TSPAN18: variants seen among roughly 807,000 people sequenced by gnomAD.
TSPAN18 encodes the protein tetraspanin 18.
In TSPAN18, 14 loss-of-function variants were observed where a neutral mutation model predicts 27.3. The observed-to-expected ratio is 0.51, with a 90% CI of 0.34 to 0.80. TSPAN18 has a LOEUF of 0.80. TSPAN18 is among the 30% of genes least tolerant of loss of function. The pLI is 0.01. For synonymous variants in TSPAN18, 143 were observed against 136.5 expected (o/e 1.05, Z -0.33); for missense variants, 268 against 323.9 (o/e 0.83, Z 1.32).
rs577384711 is a variant in TSPAN18 at position 44,926,725 on chromosome 11, G to A, written c.667G>A (p.Gly223Arg). Reference sequence around the variant, plus strand: ...CTTCGAGACCTACGTCTACTTGGCCGGAGCCCTTGCCATCGGGGTACTGGC... The same window carrying A: ...CTTCGAGACCTACGTCTACTTGGCCAGAGCCCTTGCCATCGGGGTACTGGC... ...NTFETYVYLA[G>R]ALAIGVLAIE... Residue 223 changes from glycine to arginine, a missense_variant, in exon 9 of 10, where the codon GGA becomes AGA. Physicochemically the swap from Gly to Arg is moderately radical, Grantham distance 125 (BLOSUM62 -2). Transcript: ENST00000520358. 3.4e-5 allele frequency: 55 copies of A among 1,614,126 alleles called. No homozygotes were observed. The highest frequency in any genetic ancestry group is 1.8e-4 in the Admixed American group (11 of 60,016).
intron 3 of TSPAN18, among the ~76,000 whole-genome samples, chr11:44,890,933 A>C (rs1858828012): frequency 1.3e-5 from 2 of 152,156 alleles, no homozygotes; most frequent in Non-Finnish European, 2.9e-5. Flanking sequence ...GCACTTTGGG[A>C]GACCAAGGCA....
In TSPAN18 at chr11:44,873,094, G is replaced by A. The variant is rs1257356083; in HGVS notation, c.-11+12625G>A. Reference sequence around the variant, plus strand: ...GAAGATGGTCGAAATGCTTGGATAAGGGGCTGGAGGTGACAGTATGTGGTT... The same window carrying A: ...GAAGATGGTCGAAATGCTTGGATAAAGGGCTGGAGGTGACAGTATGTGGTT... On this transcript the variant is annotated intron_variant, in intron 3 of 9. Coordinates refer to ENST00000520358, the MANE Select transcript of TSPAN18 (RefSeq NM_130783.5). Among the ~76,000 whole-genome samples, 3 of 152,216 alleles carry A rather than the reference G, an allele frequency of 2.0e-5. No homozygotes were observed. The East Asian group carries it at 5.8e-4, about 29-fold the overall frequency.
At chr11:44,807,875 G>A (rs1248277654) in intron 2 of TSPAN18, among the ~76,000 whole-genome samples, 1 of 152,212 alleles carries the variant, frequency 6.6e-6, no homozygotes, top group African/African-American at 2.4e-5. Context: ...GCTGCATGTA[G>A]CCTCCAGTGG....
intron 3 of TSPAN18, chr11:44,903,770 A>G (rs1859353039): frequency 2.2e-6 from 1 of 455,036 alleles, no homozygotes; most frequent in Non-Finnish European, 4.4e-6. Context: ...CCACCCCATC[A>G]CACACACACC....
chr11:44,764,626 T>C (rs1278949201), intron 2 of TSPAN18, 114 bp downstream of exon 2: 1 of 152,308 alleles, frequency 6.6e-6, no homozygotes, highest in African/African-American at 2.4e-5. Flanking sequence ...GTGAGAGGGC[T>C]CTCAGCTCTT....
At chr11:44,859,961 A>G (rs1289039802) in intron 2 of TSPAN18, among the ~76,000 whole-genome samples, 1 of 152,216 alleles carries the variant, frequency 6.6e-6, no homozygotes, top group Non-Finnish European at 1.5e-5. Flanking sequence ...GCTTGGACTC[A>G]TGGACTTGCC....
chr11:44,877,030 C>T (rs775698980), intron 3 of TSPAN18, among the ~76,000 whole-genome samples: 16 of 152,220 alleles, frequency 1.1e-4, no homozygotes, highest in Non-Finnish European at 2.1e-4. Context: ...GGGACTTCTC[C>T]GCCTCTGAGG....
intron 2 of TSPAN18, among the ~76,000 whole-genome samples, chr11:44,808,081 C>T (rs987109388): frequency 2.0e-5 from 3 of 152,140 alleles, no homozygotes; most frequent in African/African-American, 4.8e-5. Flanking sequence ...TTTAGTAATT[C>T]GGGAAGCTTT....
chr11:44,741,879 CCCTCT>C (rs1429565713), intron 1 of TSPAN18, among the ~76,000 whole-genome samples: 3 of 152,212 alleles, frequency 2.0e-5, no homozygotes, highest in African/African-American at 7.2e-5. Context: ...CCCTCCCCTC[CCCTCT>C]GCACCCTTCT....
chr11:44,814,630 C>T lies in TSPAN18; in HGVS notation c.-152-45698C>T, dbSNP rs183272038. The stretch of plus-strand genomic sequence containing the variant: ...AGAGAGAAACACCATCTAGGAGGGT[C>T]CCAGAGGGAGTTGGTGGTAGAATCC... On this transcript the variant is annotated intron_variant, in intron 2 of 9. Coordinates refer to ENST00000520358, the MANE Select transcript of TSPAN18 (RefSeq NM_130783.5). 1.5e-4 allele frequency among the ~76,000 whole-genome samples: 23 copies of T among 151,748 alleles called. 1 individual carries two copies. In the Middle Eastern group the frequency reaches 0.01, roughly 67 times the overall value.
intron 5 of TSPAN18, among the ~76,000 whole-genome samples, chr11:44,916,843 T>TA (rs1283785183): frequency 2.0e-5 from 3 of 152,288 alleles, no homozygotes; most frequent in Admixed American, 6.5e-5. Flanking sequence ...GTGCCAGAGA[T>TA]AAAGTCCTCT....
At chr11:44,902,886 G>A (rs1477696973) in intron 3 of TSPAN18, among the ~76,000 whole-genome samples, 1 of 152,178 alleles carries the variant, frequency 6.6e-6, no homozygotes, top group African/African-American at 2.4e-5. Flanking sequence ...TTGAATCCTT[G>A]TTGCTCCACT....
intron 2 of TSPAN18, among the ~76,000 whole-genome samples, chr11:44,803,646 G>T (rs11038153): frequency 1.3e-5 from 2 of 151,998 alleles, no homozygotes; most frequent in Non-Finnish European, 2.9e-5. Context: ...TGGAGCAGGG[G>T]ACACTGGGGT....
intron 2 of TSPAN18, among the ~76,000 whole-genome samples, chr11:44,859,125 T>A (rs1857811640): frequency 6.6e-6 from 1 of 152,106 alleles, no homozygotes; most frequent in Admixed American, 6.5e-5. Context: ...GTTCCCAGCC[T>A]AGAAAGAGGG....
At chr11:44,863,344 G>A (rs1329859956) in intron 3 of TSPAN18, among the ~76,000 whole-genome samples, 1 of 152,232 alleles carries the variant, frequency 6.6e-6, no homozygotes, top group Non-Finnish European at 1.5e-5. Flanking sequence ...TTTCCCGCAG[G>A]CCTCCAGGCT....
At chr11:44,751,926 CAA>C (rs374635775) in intron 1 of TSPAN18, among the ~76,000 whole-genome samples, 9 of 117,604 alleles carry the variant, frequency 7.7e-5, no homozygotes, top group Admixed American at 8.8e-5. Context: ...GACTCCATCT[CAA>C]AAAAAAAAAA....
At chr11:44,850,940 T>C (rs1481900429) in intron 2 of TSPAN18, among the ~76,000 whole-genome samples, 1 of 152,300 alleles carries the variant, frequency 6.6e-6, no homozygotes, top group African/African-American at 2.4e-5. Context: ...GATGGTGGAA[T>C]ACCTCTGTCT....
At chr11:44,868,477 C>T (rs1250197365) in intron 3 of TSPAN18, among the ~76,000 whole-genome samples, 2 of 152,084 alleles carry the variant, frequency 1.3e-5, no homozygotes, top group Admixed American at 1.3e-4. Flanking sequence ...CTGGCCTCCC[C>T]ACCTCAGTAC....
chr11:44,844,146 C>T (rs1204278945), intron 2 of TSPAN18, among the ~76,000 whole-genome samples: 1 of 152,208 alleles, frequency 6.6e-6, no homozygotes, highest in Non-Finnish European at 1.5e-5. Flanking sequence ...AATAAATGTC[C>T]ATAAAATCTT....
Sources: gnomAD v4.1 joint callset for allele counts (sites outside exome capture counted in the v4.1 genomes callset) on GRCh38, gnomAD v4.1.1 for gene constraint, MANE v1.5 for transcripts, NCBI Gene and HGNC (gene_info 2026-07-23, HGNC 2026-07-21) for gene names.